The following ANXA6 variants were observed in gnomAD, a reference collection of about 807,000 sequenced individuals.
ANXA6 encodes the protein annexin A6.
Under a neutral mutation model 95.4 loss-of-function variants are expected in ANXA6, and 71 were observed. That is an observed-to-expected ratio of 0.74 (90% CI 0.61 to 0.91). The LOEUF (loss-of-function observed/expected upper bound fraction) is 0.91, where lower values mean the gene tolerates loss of function less well. Ranked by LOEUF, ANXA6 falls within the 40% of genes least tolerant of loss-of-function variation. The pLI, the probability that ANXA6 is intolerant of heterozygous loss-of-function variation, is 0.00. For missense variants in ANXA6, 830 were observed against 876.4 expected (o/e 0.95, Z 0.67); for synonymous variants, 289 against 315.9 (o/e 0.91, Z 0.90).
chr5:151,142,754 G>A (rs1266760187), intron 2 of ANXA6, among the ~76,000 whole-genome samples: 1 of 152,198 alleles, frequency 6.6e-6, no homozygotes, highest in African/African-American at 2.4e-5. Flanking sequence ...GGAGGACGCC[G>A]AAGGGGAAGA....
At chr5:151,142,307 G>A (rs1020642656) in intron 2 of ANXA6, among the ~76,000 whole-genome samples, 7 of 152,102 alleles carry the variant, frequency 4.6e-5, no homozygotes, top group Admixed American at 2.0e-4. Flanking sequence ...ATGAAACCCT[G>A]TTTCAGCTAA....
At chr5:151,102,713 C>T (rs1476562614) in intron 25 of ANXA6, among the ~76,000 whole-genome samples, 1 of 152,030 alleles carries the variant, frequency 6.6e-6, no homozygotes, top group Non-Finnish European at 1.5e-5. Flanking sequence ...CAAAAACAAA[C>T]AAACAAACAA....
intron 15 of ANXA6, 82 bp from the exon 16 acceptor site, chr5:151,123,093 A>G (rs2113917697): frequency 1.6e-6 from 2 of 1,214,026 alleles, no homozygotes; most frequent in Non-Finnish European, 2.4e-6. Context: ...ATGGCCCCTC[A>G]TCGATCTTTG....
chr5:151,140,591 T>TATATATAA (rs1765804903), intron 2 of ANXA6: 1 of 142,140 alleles, frequency 7.0e-6, no homozygotes, highest in African/African-American at 2.9e-5. Context: ...TATATATATA[T>TATATATAA]ATATATATAT....
chr5:151,126,283 G>A, intron 14 of ANXA6, 119 bp downstream of exon 14: 1 of 797,070 alleles, frequency 1.3e-6, no homozygotes, highest in Non-Finnish European at 2.1e-6. Context: ...CTTCAGATGT[G>A]AGAATCAACG....
chr5:151,126,316 C>A, intron 14 of ANXA6, 86 bp downstream of exon 14: 1 of 1,203,324 alleles, frequency 8.3e-7, no homozygotes, highest in Non-Finnish European at 1.2e-6. Context: ...CGCCAGGGGG[C>A]AGCTGGGTGC....
At chr5:151,154,066 A>C (rs548140064) in intron 1 of ANXA6, among the ~76,000 whole-genome samples, 51 of 152,036 alleles carry the variant, frequency 3.4e-4, no homozygotes, top group Non-Finnish European at 6.8e-4. Context: ...ACTGTGCTTT[A>C]CTCCTCTTTC....
At chr5:151,119,608 GC>G (rs941108221) in intron 17 of ANXA6, among the ~76,000 whole-genome samples, 1 of 152,078 alleles carries the variant, frequency 6.6e-6, no homozygotes, top group Non-Finnish European at 1.5e-5. Flanking sequence ...TTGCCTTCCA[GC>G]CCCCCAAACA....
At chr5:151,103,401 A>G (rs1218698826) in intron 25 of ANXA6, among the ~76,000 whole-genome samples, 169 bp downstream of exon 25, 3 of 152,220 alleles carry the variant, frequency 2.0e-5, no homozygotes, top group South Asian at 4.1e-4. Flanking sequence ...TTCTTTTGGA[A>G]TTGATTTCGG....
At chr5:151,122,863 C>T in intron 16 of ANXA6, 54 bp downstream of exon 16, 1 of 1,527,928 alleles carries the variant, frequency 6.5e-7, no homozygotes, top group Non-Finnish European at 9.1e-7. Flanking sequence ...AGGCTGAGCT[C>T]AATCAGGCAA....
At chr5:151,149,075 G>A (rs1250806176) in intron 1 of ANXA6, among the ~76,000 whole-genome samples, 1 of 151,528 alleles carries the variant, frequency 6.6e-6, no homozygotes, top group Non-Finnish European at 1.5e-5. Flanking sequence ...CAGCTACTTG[G>A]GAGGCTGAGG....
intron 20 of ANXA6, among the ~76,000 whole-genome samples, chr5:151,113,577 G>A (rs7701857): frequency 0.4 from 60,876 of 151,540 alleles, 13,801 homozygotes; most frequent in Admixed American, 0.52. Flanking sequence ...TCACTTACGC[G>A]GGTCAGAGTA....
In ANXA6 at chr5:151,105,255, T is replaced by G; in HGVS notation, c.1829A>C (p.Lys610Thr). 6.2e-7 allele frequency: 1 copy of G among 1,613,970 alleles called. No homozygotes were observed. The highest frequency in any genetic ancestry group is 8.5e-7 in the Non-Finnish European group (1 of 1,179,838). ...KPLFFADKLY[K>T]SMKGAGTDEK... ...AGCATGTTTTCTTACCTTCATGGATTTGTAAAGTTTGTCGGCAAAGAAGAG... is the reference window on the plus strand; with the variant it reads ...AGCATGTTTTCTTACCTTCATGGATGTGTAAAGTTTGTCGGCAAAGAAGAG... The change falls in exon 24 of 26, where the codon AAA (lysine) becomes ACA (threonine). Residue 610 changes from lysine to threonine, a missense_variant. Coordinates refer to ENST00000354546, the MANE Select transcript of ANXA6 (RefSeq NM_001155.5).
chr5:151,111,650 A>G (rs1369884621), intron 20 of ANXA6, among the ~76,000 whole-genome samples: 4 of 152,210 alleles, frequency 2.6e-5, no homozygotes, highest in Non-Finnish European at 5.9e-5. Flanking sequence ...GTACATTGGC[A>G]CAATCTCGGC....
chr5:151,124,223 C>T (rs2303027), intron 15 of ANXA6, 63 bp downstream of exon 15: 370,321 of 1,464,884 alleles, frequency 0.25, 51,332 homozygotes, highest in Admixed American at 0.53. Context: ...TGCCAGCCCA[C>T]GGCCAAACCC....
At chr5:151,113,747 T>C (rs970090745) in intron 20 of ANXA6, among the ~76,000 whole-genome samples, 2 of 152,226 alleles carry the variant, frequency 1.3e-5, no homozygotes, top group African/African-American at 4.8e-5. Flanking sequence ...CCTCAAATGG[T>C]TAAACTTAGA....
chr5:151,122,080 C>G (rs1485184192), intron 17 of ANXA6, 67 bp downstream of exon 17: 1 of 986,470 alleles, frequency 1.0e-6, no homozygotes, highest in African/African-American at 1.7e-5. Flanking sequence ...TCCACCTGGG[C>G]TTATGAGGAT....
intron 6 of ANXA6, 51 bp downstream of exon 6, chr5:151,137,180 A>G: frequency 6.7e-7 from 1 of 1,488,506 alleles, no homozygotes; most frequent in Non-Finnish European, 9.3e-7. Context: ...TGTTGCAATC[A>G]TCCTCATTTT....
chr5:151,153,431 T>C (rs978649007), intron 1 of ANXA6, among the ~76,000 whole-genome samples: 3 of 152,196 alleles, frequency 2.0e-5, no homozygotes, highest in Non-Finnish European at 4.4e-5. Flanking sequence ...ATCTGCTGGA[T>C]TCAAATGCCG....
Sources: allele counts gnomAD v4.1 joint callset (sites outside exome capture counted in the v4.1 genomes callset), GRCh38; gene constraint gnomAD v4.1.1; transcripts MANE v1.5; gene names NCBI Gene and HGNC (gene_info 2026-07-23, HGNC 2026-07-21).